The following GPHN variants were observed in gnomAD, a reference collection of about 807,000 sequenced individuals.
GPHN encodes gephyrin.
GPHN carries 17 observed loss-of-function variants against 95.5 expected under a neutral mutation model. The ratio of observed to expected loss-of-function variants is 0.18; its 90% CI spans 0.12 to 0.27. The LOEUF (loss-of-function observed/expected upper bound fraction) is 0.27, where lower values mean the gene tolerates loss of function less well. Ranked by LOEUF, GPHN falls within the 10% of genes least tolerant of loss-of-function variation. The pLI is 1.00. For synonymous variants in GPHN, 320 were observed against 322.5 expected, an observed-to-expected ratio of 0.99 and a Z score of 0.08; for missense variants, 660 against 978.1, an observed-to-expected ratio of 0.67 and a Z score of 4.34.
chr14:67,391,057 G>A, the GPHN span, among the ~76,000 whole-genome samples: 1 of 152,166 alleles, frequency 6.6e-6, no homozygotes, highest in Non-Finnish European at 1.5e-5. Context: ...GAGGCAGCAG[G>A]TGTCAGCTGG....
At chr14:67,642,869 C>G in the GPHN span, among the ~76,000 whole-genome samples, 1 of 120,386 alleles carries the variant, frequency 8.3e-6, no homozygotes, top group Non-Finnish European at 1.6e-5. Flanking sequence ...GTGGCATGAT[C>G]TCAGCTCACT....
intron 2 of GPHN, among the ~76,000 whole-genome samples, chr14:66,702,416 G>C (rs2068640187): frequency 6.6e-6 from 1 of 152,170 alleles, no homozygotes; most frequent in Non-Finnish European, 1.5e-5. Context: ...GGTGTCCCTT[G>C]AGATCAGAGA....
At chr14:66,936,700 T>C (rs896593447) in intron 8 of GPHN, among the ~76,000 whole-genome samples, 1 of 152,192 alleles carries the variant, frequency 6.6e-6, no homozygotes, top group Non-Finnish European at 1.5e-5. Context: ...TATTAAATAA[T>C]GAGAGAACTA....
chr14:67,556,982 C>T, the GPHN span, among the ~76,000 whole-genome samples: 28 of 152,216 alleles, frequency 1.8e-4, no homozygotes, highest in Non-Finnish European at 3.1e-4. Flanking sequence ...GTCAATGGCA[C>T]AAGACCCAGC....
At chr14:66,717,755 C>T (rs117520717) in intron 2 of GPHN, among the ~76,000 whole-genome samples, 1,830 of 152,302 alleles carry the variant, frequency 0.012, 19 homozygotes, top group Non-Finnish European at 0.018. Context: ...GAGAGCCAAG[C>T]TGCAGTGATG....
At chr14:67,338,992 CTTTTTTTTT>C in the GPHN span, among the ~76,000 whole-genome samples, 9 of 131,152 alleles carry the variant, frequency 6.9e-5, no homozygotes, top group Admixed American at 3.9e-4. Flanking sequence ...AGACAGAAGC[CTTTTTTTTT>C]TTTTTTTTTT....
chr14:67,499,320 T>C, the GPHN span, among the ~76,000 whole-genome samples: 1 of 152,176 alleles, frequency 6.6e-6, no homozygotes, highest in Non-Finnish European at 1.5e-5. Context: ...CTTTTATTGA[T>C]ATCAACTGGG....
intron 2 of GPHN, among the ~76,000 whole-genome samples, chr14:66,704,169 A>G (rs1341345517): frequency 1.3e-5 from 2 of 152,116 alleles, no homozygotes; most frequent in African/African-American, 4.8e-5. Context: ...GATTTATTAA[A>G]CAAGTTGCTA....
the GPHN span, chr14:67,317,385 T>C: frequency 6.3e-7 from 1 of 1,585,856 alleles, no homozygotes; most frequent in South Asian, 1.1e-5. Context: ...ACATTTATAG[T>C]TATGTTTATG....
chr14:66,875,385 A>G (rs1358012547), intron 4 of GPHN, among the ~76,000 whole-genome samples: 1 of 152,234 alleles, frequency 6.6e-6, no homozygotes, highest in East Asian at 1.9e-4. Flanking sequence ...TCATGATGAC[A>G]GGATCAAATT....
chr14:66,552,523 T>C (rs1056006280), intron 1 of GPHN, among the ~76,000 whole-genome samples: 7 of 152,232 alleles, frequency 4.6e-5, no homozygotes, highest in African/African-American at 1.7e-4. Flanking sequence ...AGCTCTTTTT[T>C]CCTTTCTGTA....
intron 17 of GPHN, among the ~76,000 whole-genome samples, chr14:67,134,060 T>C (rs1012957898): frequency 6.6e-6 from 1 of 152,200 alleles, no homozygotes; most frequent in African/African-American, 2.4e-5. Flanking sequence ...GAAAAGAAAA[T>C]AGTCATTGTG....
the GPHN span, among the ~76,000 whole-genome samples, chr14:67,463,935 A>G: frequency 6.6e-6 from 1 of 152,194 alleles, no homozygotes. Flanking sequence ...TACTCTGGGA[A>G]GGTCCAATAC....
the GPHN span, among the ~76,000 whole-genome samples, chr14:67,544,619 G>A: frequency 2.6e-5 from 4 of 152,180 alleles, no homozygotes; most frequent in South Asian, 2.1e-4. Context: ...TTTTGAAGAC[G>A]TAACAAAGAA....
chr14:67,226,293 G>T, the GPHN span, among the ~76,000 whole-genome samples: 11 of 152,176 alleles, frequency 7.2e-5, no homozygotes, highest in Non-Finnish European at 1.6e-4. Context: ...CTGGGTTCAA[G>T]TGGTTCTCAT....
chr14:67,269,163 G>A, the GPHN span, among the ~76,000 whole-genome samples: 1 of 152,118 alleles, frequency 6.6e-6, no homozygotes, highest in Admixed American at 6.6e-5. Context: ...TTTAAATCCT[G>A]TTTGTAGGGT....
intron 1 of GPHN, among the ~76,000 whole-genome samples, chr14:66,580,692 A>G (rs1320636319): frequency 6.6e-6 from 1 of 151,816 alleles, no homozygotes; most frequent in Non-Finnish European, 1.5e-5. Context: ...TAGACTGCCC[A>G]AAAAACAACC....
At chr14:67,316,924 A>G in the GPHN span, 3 of 1,590,030 alleles carry the variant, frequency 1.9e-6, no homozygotes, top group East Asian at 2.2e-5. Context: ...TGTATTTGAC[A>G]TAAGTAAATG....
At chr14:66,895,897 G>T (rs2064822016) in intron 5 of GPHN, among the ~76,000 whole-genome samples, 1 of 152,174 alleles carries the variant, frequency 6.6e-6, no homozygotes, top group Non-Finnish European at 1.5e-5. Context: ...GGTCCATTCT[G>T]CTGCTGTAAC....
Sources: gnomAD v4.1 joint callset for allele counts (sites outside exome capture counted in the v4.1 genomes callset) on GRCh38, gnomAD v4.1.1 for gene constraint, MANE v1.5 for transcripts, NCBI Gene and HGNC (gene_info 2026-07-23, HGNC 2026-07-21) for gene names.